The following NAMPT variants were observed in gnomAD, a reference collection of about 807,000 sequenced individuals.
NAMPT encodes the protein nicotinamide phosphoribosyltransferase, also known as NAmPRTase.
NAMPT carries 7 observed loss-of-function variants against 58.7 expected under a neutral mutation model. The observed-to-expected ratio is 0.12, with a 90% CI of 0.07 to 0.22. The LOEUF (loss-of-function observed/expected upper bound fraction) is 0.22. Ranked by LOEUF, NAMPT falls within the 10% of genes least tolerant of loss-of-function variation. NAMPT has a pLI of 1.00. For synonymous variants in NAMPT, 145 were observed against 198.1 expected, an observed-to-expected ratio of 0.73 and a Z score of 2.25; for missense variants, 271 against 567.9, an observed-to-expected ratio of 0.48 and a Z score of 5.31.
chr7:106,257,930 A>G (rs1297476653), intron 8 of NAMPT, among the ~76,000 whole-genome samples: 2 of 152,200 alleles, frequency 1.3e-5, no homozygotes, highest in Non-Finnish European at 2.9e-5. Context: ...CGTAAGTGCT[A>G]AAGTGCCTGA....
chr7:106,276,907 C>A (rs1301156455), intron 2 of NAMPT, 116 bp downstream of exon 2: 2 of 832,142 alleles, frequency 2.4e-6, no homozygotes, highest in Non-Finnish European at 3.8e-6. Flanking sequence ...CAAACACACA[C>A]CAAATTATAT....
chr7:106,254,326 G>T, intron 9 of NAMPT, 38 bp downstream of exon 9: 1 of 1,606,180 alleles, frequency 6.2e-7, no homozygotes, highest in Non-Finnish European at 8.5e-7. Flanking sequence ...GATACATAAG[G>T]AAGGTAGTAA....
chr7:106,269,654 C>T (rs1792494767), intron 4 of NAMPT, among the ~76,000 whole-genome samples: 1 of 152,090 alleles, frequency 6.6e-6, no homozygotes, highest in African/African-American at 2.4e-5. Flanking sequence ...TGTCATGGAT[C>T]AATAGTTTAT....
chr7:106,263,894 GT>G (rs1792361310), intron 6 of NAMPT, among the ~76,000 whole-genome samples: 1 of 151,938 alleles, frequency 6.6e-6, no homozygotes, highest in Admixed American at 6.6e-5. Context: ...GTGTGTGTGT[GT>G]TTTCTGGTAT....
At chr7:106,280,239 C>T (rs900763710) in intron 1 of NAMPT, among the ~76,000 whole-genome samples, 4 of 151,896 alleles carry the variant, frequency 2.6e-5, no homozygotes, top group Admixed American at 2.0e-4. Flanking sequence ...GGAACTACGC[C>T]GATAAATTGG....
intron 1 of NAMPT, among the ~76,000 whole-genome samples, chr7:106,283,550 T>C (rs970595280): frequency 1.3e-5 from 2 of 152,184 alleles, no homozygotes; most frequent in Non-Finnish European, 2.9e-5. Flanking sequence ...AACACTATGA[T>C]TGAACCAAGA....
chr7:106,282,819 G>C (rs1792791621), intron 1 of NAMPT, among the ~76,000 whole-genome samples: 1 of 152,200 alleles, frequency 6.6e-6, no homozygotes, highest in Non-Finnish European at 1.5e-5. Flanking sequence ...GAAACTACTA[G>C]AGTTCCCAAC....
At chr7:106,282,360 A>G (rs1792782728) in intron 1 of NAMPT, among the ~76,000 whole-genome samples, 2 of 152,206 alleles carry the variant, frequency 1.3e-5, no homozygotes, top group Admixed American at 6.5e-5. Flanking sequence ...AATACCCAAT[A>G]GGTCACCAAC....
intron 1 of NAMPT, among the ~76,000 whole-genome samples, chr7:106,280,947 AAAAC>A (rs1401429245): frequency 6.6e-6 from 1 of 151,816 alleles, no homozygotes; most frequent in Non-Finnish European, 1.5e-5. Flanking sequence ...TCTCAAAAAA[AAAAC>A]AAACATAAGC....
At chr7:106,276,857 AACCTTTTATTTCAG>A in intron 2 of NAMPT, 152 bp downstream of exon 2, 1 of 610,276 alleles carries the variant, frequency 1.6e-6, no homozygotes, top group African/African-American at 1.9e-5. Context: ...AAAAAAAAAA[AACCTTTTATTTCAG>A]AAAACTTTTC....
At position 106,267,876 on chromosome 7, in the gene NAMPT, A is replaced by AAAAAAAAAAAAAACAAAAAAAAAC. The variant is rs1189395299; in HGVS notation, c.743+587_743+588insGTTTTTTTTTGTTTTTTTTTTTTT. ...AAAAAAAAAAAAAAAAAAAAAAAAA[A>AAAAAAAAAAAAAACAAAAAAAAAC]CAACCTGATTTACTTTTAATAAAGT... On this transcript the variant is annotated intron_variant, in intron 6 of 10. Transcript: ENST00000222553. Among the ~76,000 whole-genome samples the AAAAAAAAAAAAAACAAAAAAAAAC allele has an allele frequency of 1.5e-4, 19 of 130,394 alleles. 1 individual carries two copies. The highest frequency in any genetic ancestry group is 2.8e-4 in the Non-Finnish European group (17 of 59,868). The allele number at this position is 130,394 out of a possible 152,430, so 85.5% of individuals were successfully genotyped here. A position where few individuals can be genotyped will look rare whatever the true frequency, so the allele number is the denominator to read the frequency against.
At chr7:106,284,360 G>A (rs1162103879) in intron 1 of NAMPT, 2 of 108,122 alleles carry the variant, frequency 1.8e-5, no homozygotes, top group East Asian at 2.9e-4. Context: ...GCCCAGCCAG[G>A]GGCGAGCGCG....
upstream of NAMPT, chr7:106,285,476 A>G: frequency 6.5e-6 from 6 of 922,648 alleles, no homozygotes; most frequent in Non-Finnish European, 7.8e-6. Context: ...AAGTCACGCC[A>G]CCCGGCTAGG....
chr7:106,284,918 G>A lies in NAMPT; in HGVS notation c.-34C>T, dbSNP rs745835529. 17 of 1,568,438 alleles carry A rather than the reference G, an allele frequency of 1.1e-5. No homozygotes were observed. The Admixed American group carries it at 2.6e-4, about 24-fold the overall frequency. ...GGAGGACAGGGGCCGCGCGCCGCGA[G>A]CTCCCTGGCGCGGCTGCGAGGAAGG... On this transcript the variant is annotated 5_prime_UTR_variant, in exon 1 of 11. Coordinates refer to ENST00000222553, the MANE Select transcript of NAMPT (RefSeq NM_005746.3).
Position 106,272,553 on chromosome 7 carries a change from AAC to A in NAMPT, c.422_423del (p.Cys141LeufsTer8), listed in dbSNP as rs1792557121. 1 of 1,612,200 alleles carries A rather than the reference AAC, an allele frequency of 6.2e-7. No homozygotes were observed. The highest frequency in any genetic ancestry group is 1.3e-5 in the African/African-American group (1 of 74,854). On this transcript the variant is annotated frameshift_variant, in exon 4 of 11. Coordinates refer to ENST00000222553, the MANE Select transcript of NAMPT (RefSeq NM_005746.3). LOFTEE classifies it high-confidence loss of function. ...ACCTCAATCCAATTTGTAAGCCAGT[AAC>A]ACTCTGGATCTGTGTTTTCCACCGT... ...LFTVENTDPE[C>X]YWLTNWIETI...
chr7:106,280,456 AC>A (rs1442314392), intron 1 of NAMPT, among the ~76,000 whole-genome samples: 1 of 152,192 alleles, frequency 6.6e-6, no homozygotes, highest in Non-Finnish European at 1.5e-5. Flanking sequence ...AATCATGTTA[AC>A]TTTTTTAGCA....
intron 1 of NAMPT, chr7:106,284,280 G>C (rs973104545): frequency 2.0e-5 from 3 of 152,002 alleles, no homozygotes; most frequent in Non-Finnish European, 2.9e-5. Context: ...CGCCGGAGCC[G>C]CAGAGGACCG....
chr7:106,273,706 G>T (rs567833278), intron 3 of NAMPT, among the ~76,000 whole-genome samples: 1 of 152,096 alleles, frequency 6.6e-6, no homozygotes, highest in Non-Finnish European at 1.5e-5. Flanking sequence ...ACTTATTACT[G>T]TATTTATCCT....
chr7:106,252,540 C>G (rs537165344), intron 10 of NAMPT, among the ~76,000 whole-genome samples: 2 of 151,960 alleles, frequency 1.3e-5, no homozygotes, highest in South Asian at 4.2e-4. Context: ...GGCTTAAAAA[C>G]CAAAAATTTT....
Sources: allele counts gnomAD v4.1 joint callset (sites outside exome capture counted in the v4.1 genomes callset), GRCh38; gene constraint gnomAD v4.1.1; transcripts MANE v1.5; gene names NCBI Gene and HGNC (gene_info 2026-07-23, HGNC 2026-07-21).